The following GRIA4 variants were observed in gnomAD, a reference collection of about 807,000 sequenced individuals.
GRIA4 encodes the protein glutamate ionotropic receptor AMPA type subunit 4, also known as glutamate receptor 4.
A neutral mutation model predicts 104.0 loss-of-function variants in GRIA4; 34 were observed. The ratio of observed to expected loss-of-function variants is 0.33; its 90% CI spans 0.25 to 0.44. GRIA4 has a LOEUF of 0.44. Among genes scored for constraint, GRIA4 ranks in the 20% least tolerant of loss-of-function variants. The pLI, the probability that GRIA4 is intolerant of heterozygous loss-of-function variation, is 1.00. For synonymous variants in GRIA4, 386 were observed against 381.9 expected, an observed-to-expected ratio of 1.01 and a Z score of -0.13; for missense variants, 750 against 1,096.5, an observed-to-expected ratio of 0.68 and a Z score of 4.46.
intron 10 of GRIA4, among the ~76,000 whole-genome samples, chr11:105,915,982 G>C (rs1406619932): frequency 2.0e-5 from 3 of 152,100 alleles, no homozygotes; most frequent in Admixed American, 6.6e-5. Flanking sequence ...CCAGGAGTTT[G>C]AGACCACCCT....
At chr11:105,781,868 ATTTG>A (rs1317881172) in intron 4 of GRIA4, among the ~76,000 whole-genome samples, 1 of 152,146 alleles carries the variant, frequency 6.6e-6, no homozygotes, top group African/African-American at 2.4e-5. Context: ...TTCACTGCAG[ATTTG>A]TTTATTTTAC....
chr11:105,888,836 C>A (rs138504151), intron 6 of GRIA4, among the ~76,000 whole-genome samples: 14 of 152,060 alleles, frequency 9.2e-5, no homozygotes, highest in African/African-American at 3.4e-4. Flanking sequence ...TATAATCTTG[C>A]GACTTAATGG....
intron 4 of GRIA4, among the ~76,000 whole-genome samples, chr11:105,846,661 T>C (rs533237747): frequency 6.6e-6 from 1 of 152,226 alleles, no homozygotes; most frequent in East Asian, 1.9e-4. Context: ...TGGTAATCAG[T>C]GAGGAAAACA....
intron 5 of GRIA4, among the ~76,000 whole-genome samples, chr11:105,866,054 A>G (rs75880537): frequency 1.3e-5 from 2 of 152,208 alleles, no homozygotes; most frequent in African/African-American, 4.8e-5. Context: ...CAGTTACATT[A>G]TATCTCCCAA....
At chr11:105,799,401 A>T (rs1259552445) in intron 4 of GRIA4, among the ~76,000 whole-genome samples, 2 of 152,098 alleles carry the variant, frequency 1.3e-5, no homozygotes, top group Non-Finnish European at 2.9e-5. Flanking sequence ...AGAGGATGGG[A>T]ATGAGTCAGT....
At chr11:105,867,065 A>C (rs1274397396) in intron 5 of GRIA4, among the ~76,000 whole-genome samples, 1 of 152,120 alleles carries the variant, frequency 6.6e-6, no homozygotes, top group African/African-American at 2.4e-5. Context: ...CACTTTCATT[A>C]TATGAAAGGG....
rs1555046215 is a variant in GRIA4 at position 105,911,806 on chromosome 11, A to ATATG, written c.1269+1263_1269+1266dup. The ATATG allele has an allele frequency of 4.6e-3, 1,318 of 285,332 alleles. 54 individuals carry two copies. The highest frequency in any genetic ancestry group is 6.3e-3 in the East Asian group (80 of 12,712). The allele number at this position is 285,332 out of a possible 1,614,324, so 17.7% of individuals were successfully genotyped here. ...TATATATATATATATATATATATAT[A>ATATG]TATGTTTCTTTTCCTAAAAAAGACA... On this transcript the variant is annotated intron_variant, in intron 10 of 16. Transcript: ENST00000282499.
At chr11:105,699,610 G>C (rs1953412081) in intron 3 of GRIA4, among the ~76,000 whole-genome samples, 1 of 152,002 alleles carries the variant, frequency 6.6e-6, no homozygotes, top group South Asian at 2.1e-4. Flanking sequence ...TTGAGGTCAA[G>C]GGCTATGGTT....
intron 4 of GRIA4, among the ~76,000 whole-genome samples, chr11:105,840,396 A>G (rs554333574): frequency 6.6e-6 from 1 of 152,346 alleles, no homozygotes; most frequent in South Asian, 2.1e-4. Context: ...TGTACTGGAT[A>G]CATCTACATG....
chr11:105,957,253 G>A (rs1010180650), intron 14 of GRIA4, among the ~76,000 whole-genome samples: 15 of 152,080 alleles, frequency 9.9e-5, no homozygotes, highest in African/African-American at 3.6e-4. Flanking sequence ...GGTCTAACAT[G>A]TAAGTCTTTA....
At chr11:105,926,077 A>C (rs577428042) in intron 12 of GRIA4, among the ~76,000 whole-genome samples, 1 of 152,140 alleles carries the variant, frequency 6.6e-6, no homozygotes, top group South Asian at 2.1e-4. Flanking sequence ...TTCAACCTCC[A>C]CTTAGCTCAG....
chr11:105,753,765 C>A (rs1052591629), intron 4 of GRIA4, among the ~76,000 whole-genome samples: 1 of 152,126 alleles, frequency 6.6e-6, no homozygotes, highest in African/African-American at 2.4e-5. Flanking sequence ...TTTGCAAGAG[C>A]AGATCTCAGT....
At chr11:105,962,786 C>T (rs1948774362) in intron 14 of GRIA4, among the ~76,000 whole-genome samples, 1 of 152,120 alleles carries the variant, frequency 6.6e-6, no homozygotes, top group East Asian at 1.9e-4. Flanking sequence ...AATGTGGTCC[C>T]TTATTGCTTT....
At chr11:105,870,983 T>C (rs1275162384) in intron 5 of GRIA4, among the ~76,000 whole-genome samples, 3 of 152,170 alleles carry the variant, frequency 2.0e-5, no homozygotes, top group East Asian at 3.9e-4. Flanking sequence ...ATATTTTTTA[T>C]AGTCACATTT....
chr11:105,736,375 C>G (rs1938946384), intron 3 of GRIA4, among the ~76,000 whole-genome samples: 1 of 152,124 alleles, frequency 6.6e-6, no homozygotes, highest in South Asian at 2.1e-4. Flanking sequence ...TTCTCTCTCT[C>G]TCTAAAAATA....
chr11:105,882,016 A>T (rs1946082884), intron 5 of GRIA4, among the ~76,000 whole-genome samples: 1 of 152,218 alleles, frequency 6.6e-6, no homozygotes, highest in African/African-American at 2.4e-5. Context: ...CTGAAGTGAT[A>T]CTAAAGCTTT....
At chr11:105,934,326 A>AT (rs201283155) in intron 14 of GRIA4, among the ~76,000 whole-genome samples, 23 of 151,178 alleles carry the variant, frequency 1.5e-4, no homozygotes, top group South Asian at 8.4e-4. Context: ...ACATTTTATC[A>AT]TTTTTTTTTA....
At chr11:105,612,896 G>C (rs1465246240) in intron 3 of GRIA4, 1 of 154,758 alleles carries the variant, frequency 6.5e-6, no homozygotes, top group Non-Finnish European at 1.4e-5. Context: ...CTTGCTAATA[G>C]TGAGAAAAAG....
chr11:105,867,605 T>C (rs1454963487), intron 5 of GRIA4, among the ~76,000 whole-genome samples: 2 of 152,136 alleles, frequency 1.3e-5, no homozygotes, highest in Non-Finnish European at 2.9e-5. Context: ...CATAACTGGT[T>C]GAGTCAATAC....
Sources: allele counts gnomAD v4.1 joint callset (sites outside exome capture counted in the v4.1 genomes callset), GRCh38; gene constraint gnomAD v4.1.1; transcripts MANE v1.5; gene names NCBI Gene and HGNC (gene_info 2026-07-23, HGNC 2026-07-21).